FLT3: variants seen among roughly 807,000 people sequenced by gnomAD.
The protein encoded by FLT3 is receptor-type tyrosine-protein kinase FLT3.
A neutral mutation model predicts 126.6 loss-of-function variants in FLT3; 46 were observed. That is an observed-to-expected ratio of 0.36 (90% CI 0.29 to 0.46). FLT3 has a LOEUF of 0.46. Among genes scored for constraint, FLT3 ranks in the 20% least tolerant of loss-of-function variants. The pLI, the probability that FLT3 is intolerant of heterozygous loss-of-function variation, is 1.00. For synonymous variants in FLT3, 404 were observed against 434.4 expected (o/e 0.93, Z 0.87); for missense variants, 1,069 against 1,190.3 (o/e 0.90, Z 1.50).
intron 1 of FLT3, among the ~76,000 whole-genome samples, chr13:28,095,424 C>T (rs973844919): frequency 5.3e-5 from 8 of 152,198 alleles, no homozygotes; most frequent in African/African-American, 1.2e-4. Context: ...TACAGGCGTG[C>T]GCCACCACAC....
intron 9 of FLT3, among the ~76,000 whole-genome samples, chr13:28,043,041 A>T (rs765414622): frequency 1.1e-4 from 16 of 152,110 alleles, no homozygotes; most frequent in Non-Finnish European, 2.9e-5. Context: ...TTACCCCGTA[A>T]GCACTCGGTT....
In FLT3 at chr13:28,014,492, G is replaced by A. The variant is rs1871659767; in HGVS notation, c.2819C>T (p.Thr940Ile). 5 of 1,613,858 alleles carry A rather than the reference G, an allele frequency of 3.1e-6. No individual in the cohort carries two copies. Among genetic ancestry groups the A allele is most frequent in the South Asian group, 2.2e-5 (2 of 91,078 alleles). ...TGCCAGCTGACATCCTAAAAACGAA[G>A]TCAAATTAGGGAAGGATGGCCGTTT... Reference protein sequence around the residue: ...SRKRPSFPNLTSFLGCQLADA... With the variant: ...SRKRPSFPNLISFLGCQLADA... The change falls in exon 23 of 24, where the codon ACT (threonine) becomes ATT (isoleucine). Residue 940 changes from threonine to isoleucine, a missense_variant. Physicochemically the swap from Thr to Ile is moderately conservative, Grantham distance 89 (BLOSUM62 -1). Transcript: ENST00000241453.
intron 10 of FLT3, 31 bp downstream of exon 10, chr13:28,037,150 AAAAT>A: frequency 2.4e-6 from 3 of 1,266,248 alleles, no homozygotes; most frequent in Non-Finnish European, 3.5e-6. Flanking sequence ...AAGGAATTAA[AAAAT>A]AAAAATCAAA....
chr13:28,031,332 A>C (rs548480408), intron 15 of FLT3, among the ~76,000 whole-genome samples: 1 of 152,280 alleles, frequency 6.6e-6, no homozygotes, highest in East Asian at 1.9e-4. Flanking sequence ...GGAGCATTCA[A>C]TGTCTAAACT....
At chr13:28,033,103 G>A (rs1167119762) in intron 15 of FLT3, among the ~76,000 whole-genome samples, 1 of 150,994 alleles carries the variant, frequency 6.6e-6, no homozygotes, top group Admixed American at 6.6e-5. Flanking sequence ...CCTCACTTGA[G>A]CCAGGAGTTT....
At chr13:28,039,389 G>C (rs1874142846) in intron 9 of FLT3, among the ~76,000 whole-genome samples, 1 of 151,602 alleles carries the variant, frequency 6.6e-6, no homozygotes, top group Admixed American at 6.6e-5. Context: ...TTTTAGTAGA[G>C]ATGGGGTTTC....
At chr13:28,050,863 G>A (rs922850887) in intron 5 of FLT3, among the ~76,000 whole-genome samples, 1 of 151,470 alleles carries the variant, frequency 6.6e-6, no homozygotes, top group Non-Finnish European at 1.5e-5. Context: ...AAGTTGTTTA[G>A]TAAATTTTAA....
intron 1 of FLT3, among the ~76,000 whole-genome samples, chr13:28,092,701 GTCTT>G (rs1879192795): frequency 6.6e-6 from 1 of 151,940 alleles, no homozygotes; most frequent in South Asian, 2.1e-4. Context: ...CACCAGAAGT[GTCTT>G]TCTAAAATAC....
chr13:28,094,492 T>A (rs1306305256), intron 1 of FLT3, among the ~76,000 whole-genome samples: 2 of 152,138 alleles, frequency 1.3e-5, no homozygotes, highest in Admixed American at 6.5e-5. Context: ...TTTATATATT[T>A]TTTTCCTTTC....
intron 3 of FLT3, among the ~76,000 whole-genome samples, chr13:28,059,887 G>A (rs1233830160): frequency 6.6e-6 from 1 of 151,924 alleles, no homozygotes; most frequent in Admixed American, 6.6e-5. Context: ...TTGAACCCAG[G>A]AGGAGGAGGT....
At chr13:28,034,983 C>A (rs1240101741) in intron 12 of FLT3, among the ~76,000 whole-genome samples, 5 of 151,706 alleles carry the variant, frequency 3.3e-5, no homozygotes, top group African/African-American at 1.2e-4. Flanking sequence ...ACAGGATGTA[C>A]AAGTCAGAGA....
chr13:28,088,707 C>G (rs997953520), intron 1 of FLT3, among the ~76,000 whole-genome samples: 1 of 151,244 alleles, frequency 6.6e-6, no homozygotes, highest in Non-Finnish European at 1.5e-5. Flanking sequence ...GCCTCAGCCT[C>G]CCGAGTAGCT....
At chr13:28,054,129 G>A (rs1875795915) in intron 4 of FLT3, among the ~76,000 whole-genome samples, 1 of 152,102 alleles carries the variant, frequency 6.6e-6, no homozygotes, top group African/African-American at 2.4e-5. Flanking sequence ...GGTCTACATG[G>A]TATGAGCACA....
chr13:28,040,978 A>C (rs76559498), intron 9 of FLT3, among the ~76,000 whole-genome samples: 1 of 152,050 alleles, frequency 6.6e-6, no homozygotes, highest in Non-Finnish European at 1.5e-5. Flanking sequence ...AAAAAAAAAA[A>C]AATGCTGAGC....
At chr13:28,026,404 A>C (rs1872809563) in intron 17 of FLT3, among the ~76,000 whole-genome samples, 1 of 151,184 alleles carries the variant, frequency 6.6e-6, no homozygotes, top group African/African-American at 2.4e-5. Flanking sequence ...GAATGCCTCC[A>C]TCAGAATGCC....
chr13:28,062,197 A>C, intron 2 of FLT3, 128 bp from the exon 3 acceptor site: 1 of 655,598 alleles, frequency 1.5e-6, no homozygotes, highest in African/African-American at 1.8e-5. Flanking sequence ...ACAAGCTGGA[A>C]CCCACTGAGA....
intron 9 of FLT3, among the ~76,000 whole-genome samples, chr13:28,044,341 T>C (rs1333258419): frequency 1.3e-5 from 2 of 148,836 alleles, no homozygotes; most frequent in African/African-American, 5.0e-5. Context: ...TCTCAGCTAC[T>C]AGGGAGGCTG....
intron 20 of FLT3, among the ~76,000 whole-genome samples, 170 bp downstream of exon 20, chr13:28,018,297 T>C (rs1165537208): frequency 6.6e-6 from 1 of 152,220 alleles, no homozygotes; most frequent in Non-Finnish European, 1.5e-5. Context: ...AGATGGAAGA[T>C]TCCCTGAAGC....
At chr13:28,052,475 G>A (rs560541498) in intron 5 of FLT3, 70 bp downstream of exon 5, 2 of 1,414,850 alleles carry the variant, frequency 1.4e-6, no homozygotes, top group Admixed American at 2.1e-5. Context: ...CATACAGCTT[G>A]ATGTCAACTA....
Sources: allele counts gnomAD v4.1 joint callset (sites outside exome capture counted in the v4.1 genomes callset), GRCh38; gene constraint gnomAD v4.1.1; transcripts MANE v1.5; gene names NCBI Gene and HGNC (gene_info 2026-07-23, HGNC 2026-07-21).